Variants in GALNT6 observed in about 807,000 individuals in gnomAD.
GALNT6 encodes the protein GalNAc transferase 6.
A neutral mutation model predicts 65.9 loss-of-function variants in GALNT6; 51 were observed. That is an observed-to-expected ratio of 0.77 (90% CI 0.62 to 0.98). GALNT6 has a LOEUF of 0.98. Ranked by LOEUF, GALNT6 falls within the 50% of genes least tolerant of loss-of-function variation. The pLI, the probability that GALNT6 is intolerant of heterozygous loss-of-function variation, is 0.00. For synonymous variants in GALNT6, 323 were observed against 315.1 expected (o/e 1.02, Z -0.26); for missense variants, 708 against 803.3 (o/e 0.88, Z 1.43).
chr12:51,356,269 G>C (rs1946742621), intron 10 of GALNT6, among the ~76,000 whole-genome samples: 1 of 149,490 alleles, frequency 6.7e-6, no homozygotes, highest in Non-Finnish European at 1.5e-5. Context: ...TCAAACTCCT[G>C]AGCTCAAGTG....
At chr12:51,390,136 A>ATTTCTTTCTTTCTTTCTTTC (rs34438835) in intron 2 of GALNT6, among the ~76,000 whole-genome samples, 5 of 74,374 alleles carry the variant, frequency 6.7e-5, no homozygotes, top group African/African-American at 2.8e-4. Flanking sequence ...ATCAAAGCAT[A>ATTTCTTTCTTTCTTTCTTTC]TTTCTTTCTT....
rs924150603 is a variant in GALNT6, at chr12:51,357,983, C to T, written c.1500+147G>A. The T allele has an allele frequency of 1.6e-4, 115 of 699,102 alleles. 1 individual carries two copies. Among genetic ancestry groups the T allele is most frequent in the Admixed American group, 4.2e-4 (14 of 33,504 alleles). 43.3% of individuals were successfully genotyped at this position (699,102 alleles called of 1,614,324 possible). A position where few individuals can be genotyped will look rare whatever the true frequency, so the allele number is the denominator to read the frequency against. On this transcript the variant is annotated intron_variant, in intron 9 of 11. Coordinates refer to ENST00000356317, the MANE Select transcript of GALNT6 (RefSeq NM_007210.4). Reference sequence around the variant, plus strand: ...TTTTTGCTATCTCTAGAAGCCCCAACGTGGCCTCTCAGTCCTCCTCCTGGA... The same window carrying T: ...TTTTTGCTATCTCTAGAAGCCCCAATGTGGCCTCTCAGTCCTCCTCCTGGA...
At chr12:51,365,393 C>A (rs779423633) in intron 5 of GALNT6, 37 bp downstream of exon 5, 10 of 1,577,796 alleles carry the variant, frequency 6.3e-6, no homozygotes, top group Non-Finnish European at 8.6e-6. Context: ...GGGAGGGAGC[C>A]TCCAGGTTAC....
intron 4 of GALNT6, among the ~76,000 whole-genome samples, chr12:51,374,003 G>C (rs2137686440): frequency 6.6e-6 from 1 of 152,190 alleles, no homozygotes; most frequent in Non-Finnish European, 1.5e-5. Flanking sequence ...GGAACCACAG[G>C]CACATGCCAC....
At chr12:51,380,122 A>G (rs866405482) in intron 2 of GALNT6, among the ~76,000 whole-genome samples, 3 of 152,222 alleles carry the variant, frequency 2.0e-5, no homozygotes, top group Admixed American at 1.3e-4. Flanking sequence ...CTGAAACACT[A>G]CATGAGATTT....
At chr12:51,385,702 T>TA (rs1947814361) in intron 2 of GALNT6, among the ~76,000 whole-genome samples, 2 of 152,180 alleles carry the variant, frequency 1.3e-5, no homozygotes, top group Non-Finnish European at 2.9e-5. Context: ...ACCCGATTTT[T>TA]ATTTGTACTC....
intron 10 of GALNT6, among the ~76,000 whole-genome samples, chr12:51,356,472 TG>T (rs1480284395): frequency 6.7e-6 from 1 of 149,984 alleles, no homozygotes; most frequent in Non-Finnish European, 1.5e-5. Context: ...CGATCCTCCA[TG>T]TCAGCTTCCT....
chr12:51,383,915 C>T (rs578183337), intron 2 of GALNT6, among the ~76,000 whole-genome samples: 93 of 152,220 alleles, frequency 6.1e-4, no homozygotes, highest in African/African-American at 2.2e-3. Context: ...GTCGCCCCTC[C>T]ACCAGCCTTG....
chr12:51,374,813 G>A (rs4761925), intron 4 of GALNT6, among the ~76,000 whole-genome samples: 69,687 of 152,004 alleles, frequency 0.46, 16,726 homozygotes, highest in Non-Finnish European at 0.54. Context: ...CAGACTGTGA[G>A]TCCTCTGCCT....
chr12:51,356,060 G>A, intron 10 of GALNT6, 102 bp from the exon 11 acceptor site: 1 of 1,007,954 alleles, frequency 9.9e-7, no homozygotes, highest in Non-Finnish European at 1.5e-6. Flanking sequence ...GGGGAGGAGA[G>A]TGAATGTGAG....
intron 2 of GALNT6, 87 bp from the exon 3 acceptor site, chr12:51,379,971 T>C (rs1052730072): frequency 2.1e-5 from 13 of 607,202 alleles, no homozygotes; most frequent in Non-Finnish European, 2.6e-5. Context: ...CCAGGCTCTG[T>C]TGCTGAGTGG....
intron 4 of GALNT6, among the ~76,000 whole-genome samples, chr12:51,366,544 G>T (rs1346427614): frequency 6.6e-6 from 1 of 152,142 alleles, no homozygotes; most frequent in Non-Finnish European, 1.5e-5. Context: ...CACCTACCAC[G>T]GACCAGGCAC....
intron 4 of GALNT6, among the ~76,000 whole-genome samples, chr12:51,376,032 T>G (rs1323412655): frequency 6.6e-6 from 1 of 151,834 alleles, no homozygotes; most frequent in Non-Finnish European, 1.5e-5. Flanking sequence ...GGCTAATTAT[T>G]TTTTGTATTT....
chr12:51,371,786 T>C (rs367984946), intron 4 of GALNT6, among the ~76,000 whole-genome samples: 213 of 152,204 alleles, frequency 1.4e-3, no homozygotes, highest in African/African-American at 4.0e-3. Context: ...CTCACTCTCA[T>C]AGGGCTACTA....
intron 4 of GALNT6, among the ~76,000 whole-genome samples, chr12:51,375,363 C>T (rs185678263): frequency 1.2e-4 from 19 of 152,318 alleles, no homozygotes; most frequent in Non-Finnish European, 2.2e-4. Flanking sequence ...GCTTCCACTG[C>T]AGACCAGCCC....
rs1327552516 is a variant in GALNT6, at chr12:51,365,477, C to T, written c.767G>A (p.Gly256Glu). 6.2e-7 allele frequency: 1 copy of T among 1,612,098 alleles called. No homozygotes were observed. Among genetic ancestry groups the T allele is most frequent in the East Asian group, 2.2e-5 (1 of 44,888 alleles). Residue 256 changes from glycine (G) to glutamate (E), a missense_variant, in exon 5 of 12, where the codon GGG becomes GAG. By Grantham distance (98) the Gly-to-Glu change is moderately conservative. Transcript: ENST00000356317. ...RKGLITARLL[G>E]ASVAQAEVLT... The stretch of plus-strand genomic sequence containing the variant: ...CACCTCCGCCTGTGCCACGCTGGCC[C>T]CCAGCAGCCGGGCGGTGATCAGCCC...
At chr12:51,371,054 AATTATTATTATTATTATTATT>A (rs66469959) in intron 4 of GALNT6, among the ~76,000 whole-genome samples, 3,625 of 144,430 alleles carry the variant, frequency 0.025, 164 homozygotes, top group African/African-American at 0.088. Context: ...CCTTTTAAAA[AATTATTATTATTATTATTATT>A]ATTATTATTA....
Position 51,357,387 on chromosome 12 carries a change from G to A in GALNT6, c.1564C>T (p.Leu522Phe). Residue 522 changes from leucine to phenylalanine, a missense_variant, in exon 10 of 12, where the codon CTC becomes TTC. By Grantham distance (22) the Leu-to-Phe change is conservative. Coordinates refer to ENST00000356317, the MANE Select transcript of GALNT6 (RefSeq NM_007210.4). Reference sequence around the variant, plus strand: ...AGGCCGTGGCAGGAGTACATGATGAGGGGCTTCCCCCCGCGGTTGTTCTCA... The same window carrying A: ...AGGCCGTGGCAGGAGTACATGATGAAGGGCTTCCCCCCGCGGTTGTTCTCA... ...VGENNRGGKPLIMYSCHGLGG... is the reference protein window; with the variant it reads ...VGENNRGGKPFIMYSCHGLGG... 2 of 1,614,022 alleles carry A rather than the reference G, an allele frequency of 1.2e-6. No individual in the cohort carries two copies. Among genetic ancestry groups the A allele is most frequent in the Non-Finnish European group, 1.7e-6 (2 of 1,179,902 alleles).
intron 3 of GALNT6, among the ~76,000 whole-genome samples, chr12:51,377,792 A>C (rs1269443826): frequency 1.3e-5 from 2 of 152,222 alleles, no homozygotes; most frequent in African/African-American, 4.8e-5. Flanking sequence ...ATCTGAGAAA[A>C]GTGACTATGA....
Sources: gnomAD v4.1 joint callset for allele counts (sites outside exome capture counted in the v4.1 genomes callset) on GRCh38, gnomAD v4.1.1 for gene constraint, MANE v1.5 for transcripts, NCBI Gene and HGNC (gene_info 2026-07-23, HGNC 2026-07-21) for gene names.